The following TBPL1 variants were observed in gnomAD, a reference collection of about 807,000 sequenced individuals.
The protein encoded by TBPL1 is TATA-box binding protein like 1, also known as TATA box-binding protein-like 1.
Under a neutral mutation model 22.1 loss-of-function variants are expected in TBPL1, and 4 were observed. The ratio of observed to expected loss-of-function variants is 0.18; its 90% confidence interval spans 0.09 to 0.41. TBPL1 has a LOEUF of 0.41. TBPL1 is among the 10% of genes least tolerant of loss of function. TBPL1 has a pLI of 1.00. For synonymous variants in TBPL1, 64 were observed against 71.0 expected (o/e 0.90, Z 0.50); for missense variants, 115 against 222.3 (o/e 0.52, Z 3.07).
At chr6:133,977,181 G>A (rs1776329527) in intron 1 of TBPL1, among the ~76,000 whole-genome samples, 1 of 151,958 alleles carries the variant, frequency 6.6e-6, no homozygotes, top group African/African-American at 2.4e-5. Flanking sequence ...TTTTATGTAG[G>A]TTGCCTCTTT....
At position 133,987,345 on chromosome 6, in the gene TBPL1, G is replaced by A. The variant is rs1252461659; in HGVS notation, c.*305G>A. On this transcript the variant is annotated 3_prime_UTR_variant, in exon 7 of 7. Coordinates refer to ENST00000237264, the MANE Select transcript of TBPL1 (RefSeq NM_004865.4). ...CACTACCTTAGATTGTTTTATTGTC[G>A]TCATTGTTATTTTTTTCCATTTTGA... The A allele has an allele frequency of 2.2e-5, 4 of 178,170 alleles. No individual in the cohort carries two copies. The highest frequency in any genetic ancestry group is 4.7e-5 in the African/African-American group (2 of 42,456). The allele number at this position is 178,170 out of a possible 1,614,324, so 11.0% of individuals were successfully genotyped here.
intron 1 of TBPL1, among the ~76,000 whole-genome samples, chr6:133,954,133 G>T (rs1775886386): frequency 6.6e-6 from 1 of 152,212 alleles, no homozygotes; most frequent in Non-Finnish European, 1.5e-5. Context: ...GCCGAGATGT[G>T]CATCTGCAGG....
chr6:133,983,585 A>G (rs1334556146), intron 4 of TBPL1, among the ~76,000 whole-genome samples: 1 of 152,110 alleles, frequency 6.6e-6, no homozygotes, highest in African/African-American at 2.4e-5. Flanking sequence ...GAAGGGTGGC[A>G]GTAGAGAGAG....
At chr6:133,971,707 T>C (rs749270462) in intron 1 of TBPL1, among the ~76,000 whole-genome samples, 3 of 152,204 alleles carry the variant, frequency 2.0e-5, no homozygotes, top group Non-Finnish European at 4.4e-5. Context: ...TTTTTTCATA[T>C]ACCTGTTGGC....
intron 2 of TBPL1, among the ~76,000 whole-genome samples, chr6:133,981,401 G>A (rs1014664772): frequency 6.6e-6 from 1 of 152,160 alleles, no homozygotes; most frequent in Non-Finnish European, 1.5e-5. Flanking sequence ...AAATATGTCT[G>A]CTCAAAAGTT....
At chr6:133,956,030 A>T (rs539666947) in intron 1 of TBPL1, among the ~76,000 whole-genome samples, 73 of 152,180 alleles carry the variant, frequency 4.8e-4, no homozygotes, top group African/African-American at 1.6e-3. Flanking sequence ...CACATTATTT[A>T]AAAAAATCAG....
chr6:133,984,260 T>G, intron 4 of TBPL1, 116 bp from the exon 5 acceptor site: 1 of 748,196 alleles, frequency 1.3e-6, no homozygotes, highest in Non-Finnish European at 2.2e-6. Context: ...AAACATACAC[T>G]TAAAATGTTT....
At chr6:133,968,568 T>G (rs1776162911) in intron 1 of TBPL1, among the ~76,000 whole-genome samples, 1 of 152,172 alleles carries the variant, frequency 6.6e-6, no homozygotes, top group Non-Finnish European at 1.5e-5. Context: ...GAGAGGTAAA[T>G]GGTATTGTGT....
chr6:133,974,646 T>A (rs1213697524), intron 1 of TBPL1, among the ~76,000 whole-genome samples: 9 of 152,376 alleles, frequency 5.9e-5, no homozygotes, highest in Non-Finnish European at 1.2e-4. Context: ...TATTTCTTAT[T>A]GTTACTGGTT....
chr6:133,968,622 G>A (rs937980515), intron 1 of TBPL1, among the ~76,000 whole-genome samples: 8 of 152,112 alleles, frequency 5.3e-5, no homozygotes, highest in Admixed American at 2.0e-4. Flanking sequence ...GTCCACTGTC[G>A]TGTAGCTTCC....
chr6:133,974,245 GTATT>G (rs1776274446), intron 1 of TBPL1, among the ~76,000 whole-genome samples: 1 of 152,142 alleles, frequency 6.6e-6, no homozygotes, highest in Non-Finnish European at 1.5e-5. Context: ...AGACTGTACT[GTATT>G]TAACTAGTTC....
Position 133,984,490 on chromosome 6 carries a change from GA to G in TBPL1, c.386+13del, listed in dbSNP as rs1441306641. Reference sequence around the variant, plus strand: ...TAGACCTCATGCCAGGTAAGTCTTTGAAGCAATTTATCTTGAGAAATTACCA... The same window carrying G: ...TAGACCTCATGCCAGGTAAGTCTTTGAGCAATTTATCTTGAGAAATTACCA... On this transcript the variant is annotated intron_variant, in intron 5 of 6. Coordinates refer to ENST00000237264, the MANE Select transcript of TBPL1 (RefSeq NM_004865.4). The G allele has an allele frequency of 6.2e-7, 1 of 1,612,886 alleles. No homozygotes were observed. The highest frequency in any genetic ancestry group is 1.3e-5 in the African/African-American group (1 of 74,850).
At chr6:133,965,308 T>C (rs1776099911) in intron 1 of TBPL1, among the ~76,000 whole-genome samples, 1 of 152,182 alleles carries the variant, frequency 6.6e-6, no homozygotes, top group Admixed American at 6.5e-5. Context: ...GGGGCACATA[T>C]AAGACCTGCT....
chr6:133,984,459 G>C lies in TBPL1; in HGVS notation c.366G>C (p.Lys122Asn), dbSNP rs143434695. ...AAATCCGTTTGCCAGAATTCACAAA[G>C]AACAATAGACCTCATGCCAGGTAAG... The part of the protein sequence containing the change: ...PFEIRLPEFT[K>N]NNRPHASYEP... Residue 122 changes from lysine (K) to asparagine (N), a missense_variant, in exon 5 of 7, where the codon AAG (lysine) becomes AAC (asparagine). Transcript: ENST00000237264. The C allele has an allele frequency of 3.2e-5, 52 of 1,613,678 alleles. No homozygotes were observed. The African/African-American group carries it at 4.4e-4, about 14-fold the overall frequency.
intron 6 of TBPL1, 107 bp downstream of exon 6, chr6:133,984,778 GC>G (rs1776478440): frequency 1.1e-6 from 1 of 931,046 alleles, no homozygotes; most frequent in South Asian, 1.6e-5. Flanking sequence ...AGTCACTTCT[GC>G]CCTTTAGAGG....
intron 6 of TBPL1, among the ~76,000 whole-genome samples, chr6:133,985,685 A>G (rs904832134): frequency 3.3e-5 from 5 of 152,108 alleles, no homozygotes; most frequent in African/African-American, 1.2e-4. Flanking sequence ...AATGTCTTTA[A>G]TGTCCTTGAG....
At chr6:133,985,176 G>C (rs558482241) in intron 6 of TBPL1, among the ~76,000 whole-genome samples, 1 of 149,676 alleles carries the variant, frequency 6.7e-6, no homozygotes, top group South Asian at 2.1e-4. Flanking sequence ...CTATTCGGGA[G>C]GCTAAGGCAA....
chr6:133,956,989 G>A (rs1280512679), intron 1 of TBPL1, among the ~76,000 whole-genome samples: 1 of 152,170 alleles, frequency 6.6e-6, no homozygotes, highest in Non-Finnish European at 1.5e-5. Flanking sequence ...GACAGATGGA[G>A]TTTGTGTATT....
intron 1 of TBPL1, among the ~76,000 whole-genome samples, chr6:133,966,097 AGTGT>A (rs1776113780): frequency 2.6e-5 from 4 of 152,064 alleles, no homozygotes; most frequent in South Asian, 4.2e-4. Context: ...ACAGAGAGAG[AGTGT>A]GTGTGCATGT....
Sources: gnomAD v4.1 joint callset for allele counts (sites outside exome capture counted in the v4.1 genomes callset) on GRCh38, gnomAD v4.1.1 for gene constraint, MANE v1.5 for transcripts, NCBI Gene and HGNC (gene_info 2026-07-23, HGNC 2026-07-21) for gene names.